LRMDA: variants seen among roughly 807,000 people sequenced by gnomAD.
LRMDA encodes leucine-rich melanocyte differentiation-associated protein.
A neutral mutation model predicts 29.8 loss-of-function variants in LRMDA; 18 were observed. The ratio of observed to expected loss-of-function variants is 0.60; its 90% CI spans 0.42 to 0.90. The LOEUF (loss-of-function observed/expected upper bound fraction) is 0.90. Among genes scored for constraint, LRMDA ranks in the 40% least tolerant of loss-of-function variants. LRMDA has a pLI of 0.00. For missense variants in LRMDA, 273 were observed against 273.9 expected, an observed-to-expected ratio of 1.00 and a Z score of 0.02; for synonymous variants, 125 against 109.4, an observed-to-expected ratio of 1.14 and a Z score of -0.89.
intron 2 of LRMDA, among the ~76,000 whole-genome samples, chr10:75,468,118 T>C (rs1844680033): frequency 6.6e-6 from 1 of 152,208 alleles, no homozygotes; most frequent in South Asian, 2.1e-4. Flanking sequence ...GTATTAATGA[T>C]GGAGCATCAG....
chr10:76,103,525 C>A (rs531894543), intron 5 of LRMDA, among the ~76,000 whole-genome samples: 33 of 152,182 alleles, frequency 2.2e-4, no homozygotes, highest in Non-Finnish European at 4.4e-4. Flanking sequence ...TGAACAAGGG[C>A]AGCATGATGG....
chr10:76,283,817 G>C (rs574543903), intron 5 of LRMDA, among the ~76,000 whole-genome samples: 1 of 152,238 alleles, frequency 6.6e-6, no homozygotes, highest in South Asian at 2.1e-4. Context: ...CTTTGCCACT[G>C]TGTTTCACTG....
chr10:76,317,961 T>A (rs2132388625), intron 5 of LRMDA, among the ~76,000 whole-genome samples: 1 of 152,334 alleles, frequency 6.6e-6, no homozygotes, highest in East Asian at 1.9e-4. Context: ...TATTTTAATG[T>A]TTACCATGTT....
At chr10:76,222,420 C>G in intron 5 of LRMDA, among the ~76,000 whole-genome samples, 1 of 151,994 alleles carries the variant, frequency 6.6e-6, no homozygotes, top group Non-Finnish European at 1.5e-5. Flanking sequence ...AACAAATTTA[C>G]AAGAAAAAAA....
chr10:76,127,366 G>A (rs200313079), intron 5 of LRMDA, among the ~76,000 whole-genome samples: 183 of 152,234 alleles, frequency 1.2e-3, no homozygotes, highest in South Asian at 3.7e-3. Flanking sequence ...ATTCACCCAC[G>A]CCAGCCATCT....
At chr10:75,588,598 G>A (rs1335131691) in intron 2 of LRMDA, among the ~76,000 whole-genome samples, 2 of 152,250 alleles carry the variant, frequency 1.3e-5, no homozygotes, top group African/African-American at 4.8e-5. Context: ...CTAGCACTCT[G>A]TGAGTGGAGG....
intron 2 of LRMDA, among the ~76,000 whole-genome samples, chr10:75,762,046 C>T (rs772795464): frequency 1.3e-5 from 2 of 152,142 alleles, no homozygotes; most frequent in South Asian, 2.1e-4. Flanking sequence ...CTCCTAAGCT[C>T]AAATGATCTT....
At position 75,469,119 on chromosome 10, in the gene LRMDA, C is replaced by A. The variant is rs776241108; in HGVS notation, c.131+30625C>A. ...CGTCTTGGGAAAGAAAATGGGTTTC[C>A]CTGCCAAAACTGGGAGATGGTGCTG... On this transcript the variant is annotated intron_variant, in intron 2 of 6. Transcript: ENST00000611255. 7.6e-4 allele frequency among the ~76,000 whole-genome samples: 116 copies of A among 151,898 alleles called. 1 individual carries two copies. The highest frequency in any genetic ancestry group is 1.4e-3 in the African/African-American group (59 of 41,336).
intron 2 of LRMDA, among the ~76,000 whole-genome samples, chr10:75,748,098 TA>T (rs1842910470): frequency 6.6e-6 from 1 of 151,408 alleles, no homozygotes; most frequent in South Asian, 2.1e-4. Context: ...GTTGTTTAGC[TA>T]TTTTTTTTTT....
intron 4 of LRMDA, among the ~76,000 whole-genome samples, chr10:76,057,866 A>G (rs1848641922): frequency 6.6e-6 from 1 of 152,218 alleles, no homozygotes; most frequent in African/African-American, 2.4e-5. Context: ...CATACCTGTT[A>G]TACATTTATT....
intron 6 of LRMDA, among the ~76,000 whole-genome samples, chr10:76,390,942 C>T (rs574411285): frequency 1.6e-4 from 24 of 152,252 alleles, no homozygotes; most frequent in Admixed American, 1.3e-3. Context: ...AGAGAGTTAG[C>T]ATTCTTGGTT....
chr10:75,605,286 T>G (rs1240045116), intron 2 of LRMDA, among the ~76,000 whole-genome samples: 2 of 152,204 alleles, frequency 1.3e-5, no homozygotes, highest in Non-Finnish European at 2.9e-5. Context: ...TGGTTGGATT[T>G]TTGATAGCTC....
intron 2 of LRMDA, among the ~76,000 whole-genome samples, chr10:75,783,294 AG>A (rs1271159455): frequency 6.6e-6 from 1 of 152,194 alleles, no homozygotes. Flanking sequence ...GGAGGCTTTT[AG>A]GCATGCATTG....
chr10:75,514,206 G>T (rs1845261725), intron 2 of LRMDA, among the ~76,000 whole-genome samples: 1 of 145,636 alleles, frequency 6.9e-6, no homozygotes, highest in African/African-American at 2.5e-5. Flanking sequence ...GTTCCCAAGA[G>T]AAGATTCTAC....
chr10:75,792,295 C>G (rs1481645468), intron 2 of LRMDA, among the ~76,000 whole-genome samples: 1 of 144,582 alleles, frequency 6.9e-6, no homozygotes, highest in Non-Finnish European at 1.6e-5. Context: ...GATGGAGTCT[C>G]ACTCTGTCAC....
intron 2 of LRMDA, among the ~76,000 whole-genome samples, chr10:75,982,941 GT>G (rs1847198935): frequency 6.6e-6 from 1 of 152,114 alleles, no homozygotes; most frequent in Non-Finnish European, 1.5e-5. Flanking sequence ...TCATATCCCT[GT>G]TTTGTGGGTG....
intron 2 of LRMDA, among the ~76,000 whole-genome samples, chr10:75,925,809 T>G (rs1846111551): frequency 6.6e-6 from 1 of 151,986 alleles, no homozygotes; most frequent in Non-Finnish European, 1.5e-5. Flanking sequence ...CCTGCCAGCA[T>G]GCTTGGCTAG....
At chr10:76,055,089 A>AAAAAG (rs1848590506) in intron 4 of LRMDA, among the ~76,000 whole-genome samples, 3 of 125,552 alleles carry the variant, frequency 2.4e-5, no homozygotes, top group Non-Finnish European at 3.4e-5. Flanking sequence ...AAAAAAAAAA[A>AAAAAG]AAAAAGAAAA....
chr10:76,367,818 G>A (rs765316397), intron 6 of LRMDA, among the ~76,000 whole-genome samples: 3 of 152,064 alleles, frequency 2.0e-5, no homozygotes, highest in African/African-American at 7.2e-5. Context: ...AATTCTTCCT[G>A]ATTTAAGCTA....
Sources: allele counts gnomAD v4.1 joint callset (sites outside exome capture counted in the v4.1 genomes callset), GRCh38; gene constraint gnomAD v4.1.1; transcripts MANE v1.5; gene names NCBI Gene and HGNC (gene_info 2026-07-23, HGNC 2026-07-21).